Variants in ICOS observed in about 807,000 individuals in gnomAD.
ICOS encodes the protein inducible T cell costimulator.
ICOS carries 15 observed loss-of-function variants against 24.6 expected under a neutral mutation model. That is an observed-to-expected ratio of 0.61 (90% CI 0.41 to 0.94). ICOS has a LOEUF of 0.94. ICOS is among the 40% of genes least tolerant of loss of function. The probability of loss-of-function intolerance (pLI) is 0.00; values close to 1 mark genes in which losing one functional copy is unlikely to be tolerated. For missense variants in ICOS, 200 were observed against 233.0 expected, an observed-to-expected ratio of 0.86 and a Z score of 0.92; for synonymous variants, 89 against 77.5, an observed-to-expected ratio of 1.15 and a Z score of -0.78.
chr2:203,954,807 A>G (rs57299094), intron 1 of ICOS, among the ~76,000 whole-genome samples: 8,384 of 150,698 alleles, frequency 0.056, 751 homozygotes, highest in African/African-American at 0.19. Flanking sequence ...TTATTTGTAT[A>G]TATACACACA....
In ICOS at chr2:203,960,209, A is replaced by G. The variant is rs1690153111; in HGVS notation, c.*610A>G. 1 of 160,108 alleles carries G rather than the reference A, an allele frequency of 6.2e-6. No homozygotes were observed. Among genetic ancestry groups the G allele is most frequent in the Non-Finnish European group, 1.4e-5 (1 of 72,066 alleles). The allele number at this position is 160,108 out of a possible 1,614,324, so 9.9% of individuals were successfully genotyped here. On this transcript the variant is annotated 3_prime_UTR_variant, in exon 5 of 5. Coordinates refer to ENST00000316386, the MANE Select transcript of ICOS (RefSeq NM_012092.4). ...CTTTAGATGCTTTCTTGTGCCCTCAATTTTCTTTTTAAAAATACTTCTACA... is the reference window on the plus strand; with the variant it reads ...CTTTAGATGCTTTCTTGTGCCCTCAGTTTTCTTTTTAAAAATACTTCTACA...
At chr2:203,950,112 A>G (rs931006279) in intron 1 of ICOS, among the ~76,000 whole-genome samples, 1 of 152,234 alleles carries the variant, frequency 6.6e-6, no homozygotes, top group East Asian at 1.9e-4. Context: ...TGTTGCTATC[A>G]CTGAATACCG....
intron 1 of ICOS, among the ~76,000 whole-genome samples, chr2:203,944,701 A>G (rs889396940): frequency 6.6e-6 from 1 of 152,200 alleles, no homozygotes; most frequent in Non-Finnish European, 1.5e-5. Context: ...ATCTTTGTGG[A>G]GCTCATGGTT....
chr2:203,946,259 A>G (rs1482706577), intron 1 of ICOS, among the ~76,000 whole-genome samples: 3 of 152,170 alleles, frequency 2.0e-5, no homozygotes, highest in South Asian at 2.1e-4. Flanking sequence ...GAGAAAATCA[A>G]TCTTTCATTT....
At chr2:203,942,189 G>A (rs1251077902) in intron 1 of ICOS, among the ~76,000 whole-genome samples, 1 of 152,082 alleles carries the variant, frequency 6.6e-6, no homozygotes, top group Non-Finnish European at 1.5e-5. Flanking sequence ...CTGTATTTGT[G>A]TTCTTCTAGG....
intron 1 of ICOS, among the ~76,000 whole-genome samples, chr2:203,943,457 C>T (rs560629292): frequency 8.5e-5 from 13 of 152,074 alleles, no homozygotes; most frequent in Non-Finnish European, 1.6e-4. Context: ...CAAATCTACC[C>T]GGCTCTGGGC....
intron 1 of ICOS, among the ~76,000 whole-genome samples, chr2:203,944,289 T>C (rs1160116615): frequency 2.0e-5 from 3 of 152,190 alleles, no homozygotes; most frequent in Admixed American, 6.5e-5. Context: ...AATGGGCTGC[T>C]TGGGGACCCA....
rs1031818064 is a variant in ICOS, at chr2:203,961,078, C to T, written c.*1479C>T. On this transcript the variant is annotated 3_prime_UTR_variant, in exon 5 of 5. Coordinates refer to ENST00000316386, the MANE Select transcript of ICOS (RefSeq NM_012092.4). ...TGCATGCCCAAGGCTTCTGAAGCAG[C>T]CAATGTCGATGCAACAACATTTGTA... 1 of 152,134 alleles carries T rather than the reference C, an allele frequency of 6.6e-6. No individual in the cohort carries two copies. Among genetic ancestry groups the T allele is most frequent in the Non-Finnish European group, 1.5e-5 (1 of 68,048 alleles). The allele number at this position is 152,134 out of a possible 1,614,324, so 9.4% of individuals were successfully genotyped here.
At chr2:203,937,603 C>A (rs1297013880) in intron 1 of ICOS, among the ~76,000 whole-genome samples, 1 of 152,040 alleles carries the variant, frequency 6.6e-6, no homozygotes, top group Non-Finnish European at 1.5e-5. Flanking sequence ...TTTGTTTTCT[C>A]TTTCACACTG....
chr2:203,960,116 A>G lies in ICOS; in HGVS notation c.*517A>G. The G allele has an allele frequency of 4.2e-6, 1 of 237,020 alleles. No homozygotes were observed. The highest frequency in any genetic ancestry group is 8.4e-6 in the Non-Finnish European group (1 of 119,446). 14.7% of individuals were successfully genotyped at this position (237,020 alleles called of 1,614,324 possible). A position where few individuals can be genotyped will look rare whatever the true frequency, so the allele number is the denominator to read the frequency against. ...TTTTATTTCTGAGATGTTGATGTGA[A>G]CTGTACATTAGTACATACTCAGTAC... On this transcript the variant is annotated 3_prime_UTR_variant, in exon 5 of 5. Transcript: ENST00000316386.
At position 203,956,777 on chromosome 2, in the gene ICOS, C is replaced by T. The variant is rs770065338; in HGVS notation, c.501+12C>T. 23 of 1,510,582 alleles carry T rather than the reference C, an allele frequency of 1.5e-5. No individual in the cohort carries two copies. Among genetic ancestry groups the T allele is most frequent in the Non-Finnish European group, 2.1e-5 (23 of 1,086,134 alleles). 93.6% of individuals were successfully genotyped at this position (1,510,582 alleles called of 1,614,324 possible). On this transcript the variant is annotated intron_variant, in intron 3 of 4. Coordinates refer to ENST00000316386, the MANE Select transcript of ICOS (RefSeq NM_012092.4). ...GGCTTACAAAAAAGGTAAGCGATTT[C>T]TATCTTTCCTTGTATCTGCTTTACA...
rs180935296 is a variant in ICOS at position 203,940,984 on chromosome 2, C to T, written c.58+4112C>T. 8.7e-3 allele frequency among the ~76,000 whole-genome samples: 1,326 copies of T among 152,282 alleles called. 24 individuals carry two copies. The highest frequency in any genetic ancestry group is 0.029 in the African/African-American group (1,202 of 41,546). On this transcript the variant is annotated intron_variant, in intron 1 of 4. Coordinates refer to ENST00000316386, the MANE Select transcript of ICOS (RefSeq NM_012092.4). ...TATTTTTCGTAGAGACGGGGTTTCA[C>T]CGTGTTAGCCAGGATGGTCTCAATT... is the stretch of plus-strand genomic sequence containing the variant.
At chr2:203,959,455 AGTGTGTGT>A (rs34098976) in intron 4 of ICOS, 123 bp from the exon 5 acceptor site, 9 of 718,698 alleles carry the variant, frequency 1.3e-5, no homozygotes, top group South Asian at 6.0e-5. Flanking sequence ...TGTGTGTGTG[AGTGTGTGT>A]GTGTGTGTGT....
intron 1 of ICOS, among the ~76,000 whole-genome samples, chr2:203,953,172 T>A (rs114407741): frequency 1.3e-5 from 2 of 152,178 alleles, no homozygotes; most frequent in Non-Finnish European, 2.9e-5. Context: ...TCCCAATTTA[T>A]TGGGGAGAGG....
At chr2:203,958,897 C>T (rs186472582) in intron 4 of ICOS, among the ~76,000 whole-genome samples, 44 of 152,180 alleles carry the variant, frequency 2.9e-4, no homozygotes, top group African/African-American at 1.1e-3. Flanking sequence ...ACAAGCAGAA[C>T]CTGACATAAG....
chr2:203,952,285 C>T (rs1420445766), intron 1 of ICOS, among the ~76,000 whole-genome samples: 1 of 152,148 alleles, frequency 6.6e-6, no homozygotes, highest in African/African-American at 2.4e-5. Flanking sequence ...AACATGTATA[C>T]TTCACTTAGA....
At chr2:203,949,250 A>T (rs1019719897) in intron 1 of ICOS, among the ~76,000 whole-genome samples, 4 of 152,356 alleles carry the variant, frequency 2.6e-5, no homozygotes, top group African/African-American at 9.6e-5. Flanking sequence ...CTTCCTGCTC[A>T]CAGATTTTTA....
intron 4 of ICOS, 34 bp from the exon 5 acceptor site, chr2:203,959,552 C>A (rs747466421): frequency 6.3e-7 from 1 of 1,599,410 alleles, no homozygotes; most frequent in Non-Finnish European, 8.6e-7. Flanking sequence ...ACATGGAGAG[C>A]ATTTAGATAA....
Position 203,957,913 on chromosome 2 carries a change from G to A in ICOS, c.586+30G>A, listed in dbSNP as rs755927035. On this transcript the variant is annotated intron_variant, in intron 4 of 4. Coordinates refer to ENST00000316386, the MANE Select transcript of ICOS (RefSeq NM_012092.4). ...GACTCCATTTGGGGGTTTGGGAAGG[G>A]AAGAGGTTTCTTCACAGTAAGCCTG... is the stretch of plus-strand genomic sequence containing the variant. 21 of 1,403,950 alleles carry A rather than the reference G, an allele frequency of 1.5e-5. No individual in the cohort carries two copies. In the South Asian group the frequency reaches 2.2e-4, roughly 15 times the overall value. 87.0% of individuals were successfully genotyped at this position (1,403,950 alleles called of 1,614,324 possible). A position where few individuals can be genotyped will look rare whatever the true frequency, so the allele number is the denominator to read the frequency against.
Sources: gnomAD v4.1 joint callset for allele counts (sites outside exome capture counted in the v4.1 genomes callset) on GRCh38, gnomAD v4.1.1 for gene constraint, MANE v1.5 for transcripts, NCBI Gene and HGNC (gene_info 2026-07-23, HGNC 2026-07-21) for gene names.